DSCAML1: variants seen among roughly 807,000 people sequenced by gnomAD.
DSCAML1 encodes DS cell adhesion molecule like 1, also known as cell adhesion molecule DSCAML1.
A neutral mutation model predicts 200.5 loss-of-function variants in DSCAML1; 38 were observed. That is an observed-to-expected ratio of 0.19 (90% confidence interval 0.15 to 0.25). DSCAML1 has a LOEUF of 0.25. DSCAML1 is among the 10% of genes least tolerant of loss of function. The pLI is 1.00. For missense variants in DSCAML1, 2,223 were observed against 2,858.8 expected (o/e 0.78, Z 5.07); for synonymous variants, 1,215 against 1,165.0 (o/e 1.04, Z -0.87).
intron 20 of DSCAML1, among the ~76,000 whole-genome samples, chr11:117,446,615 T>C (rs1335327536): frequency 6.6e-6 from 1 of 152,088 alleles, no homozygotes. Context: ...AGAAAGGTAC[T>C]TTAAAATAAG....
At position 117,428,232 on chromosome 11, in the gene DSCAML1, T is replaced by A; in HGVS notation, c.*96A>T. On this transcript the variant is annotated 3_prime_UTR_variant, in exon 33 of 33. Coordinates refer to ENST00000651296, the MANE Select transcript of DSCAML1 (RefSeq NM_020693.4). ...GTTTTGTCGTTGGTTGGTTTTTGTC[T>A]GTCAGTTGAATATAAATAATGCAGA... is the stretch of plus-strand genomic sequence containing the variant. 5.3e-6 allele frequency: 4 copies of A among 749,928 alleles called. 1 individual carries two copies. The highest frequency in any genetic ancestry group is 9.2e-6 in the Non-Finnish European group (4 of 437,142). The allele number at this position is 749,928 out of a possible 1,614,324, so 46.5% of individuals were successfully genotyped here. A position where few individuals can be genotyped will look rare whatever the true frequency, so the allele number is the denominator to read the frequency against.
chr11:117,493,233 G>C (rs1428675459), intron 11 of DSCAML1, among the ~76,000 whole-genome samples: 1 of 152,238 alleles, frequency 6.6e-6, no homozygotes, highest in African/African-American at 2.4e-5. Context: ...TCTTCTCTTG[G>C]CTCCTTGCTA....
Position 117,469,813 on chromosome 11 carries a change from G to T in DSCAML1, c.3024+97C>A. ...CAAAACAGACATGGGCATCATATAAGACTAGAGACTAGCAAGCCTGCTGGG... is the reference window on the plus strand; with the variant it reads ...CAAAACAGACATGGGCATCATATAATACTAGAGACTAGCAAGCCTGCTGGG... On this transcript the variant is annotated intron_variant, in intron 16 of 32. Coordinates refer to ENST00000651296, the MANE Select transcript of DSCAML1 (RefSeq NM_020693.4). The surrounding 1 kb of genome is among the most constrained non-coding windows in gnomAD (Gnocchi z 4.1). 8.8e-7 allele frequency: 1 copy of T among 1,142,256 alleles called. No homozygotes were observed. Among genetic ancestry groups the T allele is most frequent in the Non-Finnish European group, 1.2e-6 (1 of 818,384 alleles). The allele number at this position is 1,142,256 out of a possible 1,614,324, so 70.8% of individuals were successfully genotyped here.
At chr11:117,444,485 G>A (rs572194011) in intron 20 of DSCAML1, among the ~76,000 whole-genome samples, 5 of 152,112 alleles carry the variant, frequency 3.3e-5, no homozygotes, top group African/African-American at 9.7e-5. Flanking sequence ...TCTGGCTCCC[G>A]TCACCTCCTA....
At chr11:117,488,053 ACTCGTGTC>A (rs1319732353) in intron 11 of DSCAML1, among the ~76,000 whole-genome samples, 2 of 152,142 alleles carry the variant, frequency 1.3e-5, no homozygotes, top group Non-Finnish European at 2.9e-5. Context: ...GAATCAGAGT[ACTCGTGTC>A]CTTGCAGATG....
chr11:117,620,144 C>T (rs148489172), intron 3 of DSCAML1, among the ~76,000 whole-genome samples: 23 of 152,240 alleles, frequency 1.5e-4, no homozygotes, highest in African/African-American at 2.2e-4. Context: ...CATATGTGAA[C>T]GATTCCTAAA....
At chr11:117,435,148 G>A (rs1287450224) in intron 27 of DSCAML1, among the ~76,000 whole-genome samples, 3 of 152,174 alleles carry the variant, frequency 2.0e-5, no homozygotes, top group Non-Finnish European at 4.4e-5. Context: ...AGTAGACTGT[G>A]GCATCAGGTA....
intron 3 of DSCAML1, among the ~76,000 whole-genome samples, chr11:117,742,277 A>G (rs1208740713): frequency 1.3e-5 from 2 of 152,200 alleles, no homozygotes; most frequent in African/African-American, 2.4e-5. Context: ...GTGCTACCTT[A>G]GAGAGGAAGC....
At chr11:117,796,514 C>T (rs1319660329) in intron 1 of DSCAML1, among the ~76,000 whole-genome samples, 1 of 152,242 alleles carries the variant, frequency 6.6e-6, no homozygotes, top group Non-Finnish European at 1.5e-5. Flanking sequence ...AGCCAATGCG[C>T]GGATAAGCGC....
Position 117,505,935 on chromosome 11 carries a change from A to G in DSCAML1, c.1784-203T>C, listed in dbSNP as rs1442428289. Among the ~76,000 whole-genome samples the G allele has an allele frequency of 6.6e-6, 1 of 152,136 alleles. No individual in the cohort carries two copies. The highest frequency in any genetic ancestry group is 1.5e-5 in the Non-Finnish European group (1 of 68,030). On this transcript the variant is annotated intron_variant, in intron 8 of 32. Transcript: ENST00000651296. This position sits in a 1 kb window ranked among gnomAD's most constrained non-coding sequence, Gnocchi z 6.7. ...CCTCTGCCCGCCCAGGCTGGGACCCACTGTCTCTGTTCAGGGCCTTGACTG... is the reference window on the plus strand; with the variant it reads ...CCTCTGCCCGCCCAGGCTGGGACCCGCTGTCTCTGTTCAGGGCCTTGACTG...
At chr11:117,757,765 C>T (rs1353828883) in intron 3 of DSCAML1, among the ~76,000 whole-genome samples, 2 of 151,882 alleles carry the variant, frequency 1.3e-5, no homozygotes, top group East Asian at 1.9e-4. Flanking sequence ...CTGAGGCGGG[C>T]GGATCACCTG....
chr11:117,812,086 C>T (rs1025757228), intron 1 of DSCAML1, among the ~76,000 whole-genome samples: 1 of 152,170 alleles, frequency 6.6e-6, no homozygotes, highest in Non-Finnish European at 1.5e-5. Flanking sequence ...TCCTGGATTA[C>T]AGCTGCATCT....
chr11:117,759,726 C>G (rs972123092), intron 3 of DSCAML1, among the ~76,000 whole-genome samples: 1 of 104,198 alleles, frequency 9.6e-6, no homozygotes, highest in Non-Finnish European at 2.2e-5. Context: ...CCCCCAGCTA[C>G]AGGGAGCAGT....
At chr11:117,659,793 A>C (rs1192010433) in intron 3 of DSCAML1, among the ~76,000 whole-genome samples, 3 of 151,528 alleles carry the variant, frequency 2.0e-5, no homozygotes, top group Non-Finnish European at 4.4e-5. Flanking sequence ...GTCTCAGCTC[A>C]CTGCAACCTC....
intron 22 of DSCAML1, 84 bp from the exon 23 acceptor site, chr11:117,439,513 A>T: frequency 6.6e-7 from 1 of 1,521,832 alleles, no homozygotes; most frequent in Non-Finnish European, 8.8e-7. Context: ...TGACAAAGAG[A>T]GCTGGGGGTG....
intron 3 of DSCAML1, among the ~76,000 whole-genome samples, chr11:117,591,629 C>A (rs1224020469): frequency 6.6e-6 from 1 of 152,268 alleles, no homozygotes; most frequent in Admixed American, 6.5e-5. Context: ...GCATCTCCCT[C>A]ACTTTGCATT....
chr11:117,759,760 C>T (rs2054766817), intron 3 of DSCAML1, among the ~76,000 whole-genome samples: 1 of 152,098 alleles, frequency 6.6e-6, no homozygotes, highest in African/African-American at 2.4e-5. Context: ...CTCGCAGCCC[C>T]ATAAATACTC....
In DSCAML1 at chr11:117,489,227, G is replaced by A. The variant is rs959165678; in HGVS notation, c.2360-7065C>T. Among the ~76,000 whole-genome samples the A allele has an allele frequency of 1.3e-5, 2 of 152,096 alleles. No individual in the cohort carries two copies. The highest frequency in any genetic ancestry group is 2.9e-5 in the Non-Finnish European group (2 of 68,046). ...CCTCTGCGGCGGGGCAGCTGCAGCA[G>A]GTACTCCTGGGGCAGGCAGTGGGGA... On this transcript the variant is annotated intron_variant, in intron 11 of 32. Transcript: ENST00000651296. This position sits in a 1 kb window ranked among gnomAD's most constrained non-coding sequence, Gnocchi z 4.8.
At chr11:117,660,982 A>G (rs2052837491) in intron 3 of DSCAML1, among the ~76,000 whole-genome samples, 1 of 152,244 alleles carries the variant, frequency 6.6e-6, no homozygotes, top group South Asian at 2.1e-4. Flanking sequence ...GTAGACAAAT[A>G]GTGCAGAAGA....
Sources: allele counts gnomAD v4.1 joint callset (sites outside exome capture counted in the v4.1 genomes callset), GRCh38; gene constraint gnomAD v4.1.1; non-coding constraint Gnocchi (gnomAD v3.1); transcripts MANE v1.5; gene names NCBI Gene and HGNC (gene_info 2026-07-23, HGNC 2026-07-21).